Variants in RUNX2 observed in about 807,000 individuals in gnomAD.
RUNX2 encodes the protein RUNX family transcription factor 2, also known as runt-related transcription factor 2.
RUNX2 carries 10 observed loss-of-function variants against 51.7 expected under a neutral mutation model. The ratio of observed to expected loss-of-function variants is 0.19; its 90% CI spans 0.12 to 0.33. The LOEUF (loss-of-function observed/expected upper bound fraction) is 0.33. RUNX2 is among the 10% of genes least tolerant of loss of function. The probability of loss-of-function intolerance (pLI) is 1.00; values close to 1 mark genes in which losing one functional copy is unlikely to be tolerated. For synonymous variants in RUNX2, 276 were observed against 273.6 expected, an observed-to-expected ratio of 1.01 and a Z score of -0.09; for missense variants, 562 against 691.3, an observed-to-expected ratio of 0.81 and a Z score of 2.10.
intron 7 of RUNX2, among the ~76,000 whole-genome samples, chr6:45,530,393 T>C (rs1008115270): frequency 7.9e-5 from 12 of 152,226 alleles, no homozygotes; most frequent in African/African-American, 2.9e-4. Context: ...ATGTGGCAAG[T>C]AAGTTCCAAC....
At chr6:45,427,447 A>G (rs1798414699) in intron 3 of RUNX2, among the ~76,000 whole-genome samples, 1 of 152,094 alleles carries the variant, frequency 6.6e-6, no homozygotes, top group Non-Finnish European at 1.5e-5. Context: ...TCTAAAATTC[A>G]ATGGGCTTTT....
At position 45,332,698 on chromosome 6, in the gene RUNX2, T is replaced by C. The variant is rs76945085; in HGVS notation, c.58+3914T>C. ...CGAAACAGTCTACCTCTATAGCATC[T>C]ATTAAAAATATATAAAAACATGTGA... On this transcript the variant is annotated intron_variant, in intron 2 of 8. Transcript: ENST00000647337. Among the ~76,000 whole-genome samples, 832 of 151,898 alleles carry C rather than the reference T, an allele frequency of 5.5e-3. 11 individuals are homozygous for C. Among genetic ancestry groups the C allele is most frequent in the African/African-American group, 0.019 (797 of 41,498 alleles).
In RUNX2 at chr6:45,512,319, G is replaced by A. The variant is rs146314825; in HGVS notation, c.933G>A (p.Thr311=). Reference sequence around the variant, plus strand: ...ACCCCTCCTACCTGAGCCAGATGACGTCCCCGTCCATCCACTCTACCACCC... The same window carrying A: ...ACCCCTCCTACCTGAGCCAGATGACATCCCCGTCCATCCACTCTACCACCC... ...QSYPSYLSQM[T]SPSIHSTTPL... The change falls in exon 7 of 9, where the codon ACG becomes ACA. Residue 311 remains threonine (T), a synonymous_variant. Transcript: ENST00000647337. 6.1e-5 allele frequency: 99 copies of A among 1,614,030 alleles called. No individual in the cohort carries two copies. The highest frequency in any genetic ancestry group is 5.8e-4 in the South Asian group (53 of 91,082).
intron 2 of RUNX2, among the ~76,000 whole-genome samples, chr6:45,397,792 G>C (rs747399121): frequency 5.3e-5 from 8 of 152,138 alleles, no homozygotes; most frequent in Admixed American, 2.6e-4. Context: ...TTTTATGCAA[G>C]AATCATGCAT....
chr6:45,335,732 C>T (rs957951261), intron 2 of RUNX2, among the ~76,000 whole-genome samples: 10 of 151,118 alleles, frequency 6.6e-5, no homozygotes, highest in Admixed American at 4.0e-4. Context: ...TATTAAGACA[C>T]CATGAAGTAA....
chr6:45,484,994 T>A (rs1800225960), intron 5 of RUNX2, among the ~76,000 whole-genome samples: 1 of 152,146 alleles, frequency 6.6e-6, no homozygotes, highest in Admixed American at 6.5e-5. Flanking sequence ...AACTGTTACA[T>A]CCTGTGGCTT....
rs748547678 is a variant in RUNX2, at chr6:45,512,452, CG to C, written c.1021+51del. ...TAAAAATCCATCCCTGCACAGGGGT[CG>C]GGGGGAGTGGGATGGGCTGAGCCTG... On this transcript the variant is annotated intron_variant, in intron 7 of 8. Transcript: ENST00000647337. The C allele has an allele frequency of 8.4e-5, 134 of 1,603,708 alleles. 1 individual carries two copies. Among genetic ancestry groups the C allele is most frequent in the Non-Finnish European group, 1.1e-4 (129 of 1,173,690 alleles).
At chr6:45,466,199 G>C (rs1368671449) in intron 5 of RUNX2, among the ~76,000 whole-genome samples, 1 of 151,710 alleles carries the variant, frequency 6.6e-6, no homozygotes, top group Non-Finnish European at 1.5e-5. Context: ...TGTAATCCTA[G>C]CTACTCAGGA....
chr6:45,478,618 A>G (rs1800024870), intron 5 of RUNX2, among the ~76,000 whole-genome samples: 1 of 150,486 alleles, frequency 6.6e-6, no homozygotes, highest in Non-Finnish European at 1.5e-5. Context: ...TATTCCATTA[A>G]GTTCACTAAT....
intron 2 of RUNX2, among the ~76,000 whole-genome samples, chr6:45,411,633 A>G (rs960073935): frequency 6.6e-6 from 1 of 152,132 alleles, no homozygotes; most frequent in Non-Finnish European, 1.5e-5. Flanking sequence ...GAAGCCTTTG[A>G]AAAAAAGATA....
At chr6:45,423,366 T>G (rs1478866694) in intron 3 of RUNX2, among the ~76,000 whole-genome samples, 4 of 152,124 alleles carry the variant, frequency 2.6e-5, no homozygotes, top group African/African-American at 9.7e-5. Flanking sequence ...ATCCCCGGCA[T>G]TGTCCCCTGG....
intron 5 of RUNX2, among the ~76,000 whole-genome samples, chr6:45,463,562 C>T (rs1180723950): frequency 6.6e-6 from 1 of 151,946 alleles, no homozygotes; most frequent in Non-Finnish European, 1.5e-5. Flanking sequence ...GATGGATTTT[C>T]TCAGTGTAAG....
intron 3 of RUNX2, among the ~76,000 whole-genome samples, chr6:45,428,460 G>GA (rs553529868): frequency 2.0e-4 from 31 of 151,644 alleles, no homozygotes; most frequent in Admixed American, 5.3e-4. Flanking sequence ...GTGAATAGCA[G>GA]AAAAAAAACC....
Position 45,365,735 on chromosome 6 carries a change from A to T in RUNX2, c.58+36951A>T, listed in dbSNP as rs181140914. ...GGAACAACCCTGATTTTTCTAGTTG[A>T]TATATGAAGGTTCCAAGTAAGATCT... is the stretch of plus-strand genomic sequence containing the variant. On this transcript the variant is annotated intron_variant, in intron 2 of 8. Coordinates refer to ENST00000647337, the MANE Select transcript of RUNX2 (RefSeq NM_001024630.4). Among the ~76,000 whole-genome samples the T allele has an allele frequency of 3.1e-3, 466 of 150,460 alleles. 2 individuals are homozygous for T. The highest frequency in any genetic ancestry group is 5.5e-3 in the Non-Finnish European group (372 of 67,770).
In RUNX2 at chr6:45,484,054, A is replaced by C. The variant is rs116195605; in HGVS notation, c.686-7887A>C. Among the ~76,000 whole-genome samples, 1,316 of 152,340 alleles carry C rather than the reference A, an allele frequency of 8.6e-3. 18 individuals carry two copies. The highest frequency in any genetic ancestry group is 0.029 in the African/African-American group (1,204 of 41,562). ...TGAATGTTAGGATTTGGGGGCAGAA[A>C]GAATTTCAGAAATTATGGAAACTAA... On this transcript the variant is annotated intron_variant, in intron 5 of 8. Coordinates refer to ENST00000647337, the MANE Select transcript of RUNX2 (RefSeq NM_001024630.4).
At position 45,485,697 on chromosome 6, in the gene RUNX2, G is replaced by GTGTATATATATA. The variant is rs1219072282; in HGVS notation, c.686-6243_686-6242insGTATATATATAT. On this transcript the variant is annotated intron_variant, in intron 5 of 8. Transcript: ENST00000647337. ...TATGTGTGTGTGTGTGTGTGTGTGT[G>GTGTATATATATA]TATATATATATATATATATACACAT... 1.8e-3 allele frequency among the ~76,000 whole-genome samples: 185 copies of GTGTATATATATA among 104,050 alleles called. 2 individuals are homozygous for GTGTATATATATA. The highest frequency in any genetic ancestry group is 6.6e-3 in the African/African-American group (174 of 26,272). 68.3% of individuals were successfully genotyped at this position (104,050 alleles called of 152,430 possible).
rs75410206 is a variant in RUNX2, at chr6:45,546,114, A to G, written c.1088-713A>G. On this transcript the variant is annotated intron_variant, in intron 8 of 8. Coordinates refer to ENST00000647337, the MANE Select transcript of RUNX2 (RefSeq NM_001024630.4). ...ATCAGGTCACAAGTCTCCCATCAAG[A>G]CTTGAAATCAATGATTCCTAAGGTA... is the stretch of plus-strand genomic sequence containing the variant. Among the ~76,000 whole-genome samples, 700 of 152,050 alleles carry G rather than the reference A, an allele frequency of 4.6e-3. 2 individuals carry two copies. Among genetic ancestry groups the G allele is most frequent in the Middle Eastern group, 0.01 (3 of 294 alleles).
intron 4 of RUNX2, among the ~76,000 whole-genome samples, chr6:45,437,520 A>G (rs563565167): frequency 6.6e-6 from 1 of 152,304 alleles, no homozygotes; most frequent in East Asian, 1.9e-4. Flanking sequence ...TAAATAACAT[A>G]ATCAACAATG....
chr6:45,512,157 TCTGC>T, intron 6 of RUNX2, 85 bp from the exon 7 acceptor site: 2 of 1,326,458 alleles, frequency 1.5e-6, no homozygotes, highest in Non-Finnish European at 2.1e-6. Flanking sequence ...TCCCTGTTTT[TCTGC>T]TTTTTCCTTT....
Sources: allele counts gnomAD v4.1 joint callset (sites outside exome capture counted in the v4.1 genomes callset), GRCh38; gene constraint gnomAD v4.1.1; transcripts MANE v1.5; gene names NCBI Gene and HGNC (gene_info 2026-07-23, HGNC 2026-07-21).